The following CADPS variants were observed in gnomAD, a reference collection of about 807,000 sequenced individuals.
The protein encoded by CADPS is calcium dependent secretion activator.
CADPS carries 57 observed loss-of-function variants against 167.3 expected under a neutral mutation model. The ratio of observed to expected loss-of-function variants is 0.34; its 90% CI spans 0.28 to 0.42. The LOEUF (loss-of-function observed/expected upper bound fraction) is 0.42, where lower values mean the gene tolerates loss of function less well. Ranked by LOEUF, CADPS falls within the 20% of genes least tolerant of loss-of-function variation. CADPS has a pLI of 1.00. For missense variants in CADPS, 1,414 were observed against 1,738.1 expected (o/e 0.81, Z 3.32); for synonymous variants, 676 against 635.3 (o/e 1.06, Z -0.96).
At chr3:62,692,883 A>T (rs2079451293) in intron 3 of CADPS, among the ~76,000 whole-genome samples, 1 of 152,076 alleles carries the variant, frequency 6.6e-6, no homozygotes, top group African/African-American at 2.4e-5. Context: ...CCATACTTCA[A>T]AACCATCCAG....
intron 1 of CADPS, among the ~76,000 whole-genome samples, chr3:62,852,025 T>C (rs200396863): frequency 0.021 from 3,027 of 147,614 alleles, 40 homozygotes; most frequent in South Asian, 0.05. Context: ...TTCATTCATT[T>C]CATCTTCCAT....
At chr3:62,793,569 C>CT (rs1576483269) in intron 1 of CADPS, among the ~76,000 whole-genome samples, 2 of 152,200 alleles carry the variant, frequency 1.3e-5, no homozygotes, top group Non-Finnish European at 2.9e-5. Flanking sequence ...TAACTGGGTT[C>CT]TTTCCTCTGA....
chr3:62,688,670 T>C (rs1353259636), intron 3 of CADPS, among the ~76,000 whole-genome samples: 1 of 152,108 alleles, frequency 6.6e-6, no homozygotes, highest in African/African-American at 2.4e-5. Context: ...CCTGTCCTAG[T>C]CTGTCATCAT....
intron 2 of CADPS, among the ~76,000 whole-genome samples, chr3:62,759,392 T>C (rs929024524): frequency 6.6e-6 from 1 of 152,182 alleles, no homozygotes. Flanking sequence ...TGAAAAAAGA[T>C]ATATATTTTT....
intron 3 of CADPS, among the ~76,000 whole-genome samples, chr3:62,665,386 C>T (rs1250034719): frequency 6.6e-6 from 1 of 152,156 alleles, no homozygotes; most frequent in Non-Finnish European, 1.5e-5. Flanking sequence ...TCATTATCCC[C>T]ATTTGACGGA....
intron 2 of CADPS, among the ~76,000 whole-genome samples, chr3:62,758,495 G>A (rs2084559628): frequency 6.6e-6 from 1 of 152,202 alleles, no homozygotes; most frequent in South Asian, 2.1e-4. Context: ...AGGAAGTGGG[G>A]CCTGGGCCAG....
chr3:62,447,956 A>G (rs1357211362), intron 26 of CADPS, among the ~76,000 whole-genome samples: 3 of 152,082 alleles, frequency 2.0e-5, no homozygotes, highest in Non-Finnish European at 4.4e-5. Flanking sequence ...AAACACTTCC[A>G]CAAACAGTTT....
chr3:62,758,962 T>C (rs1021834937), intron 2 of CADPS, among the ~76,000 whole-genome samples: 2 of 152,178 alleles, frequency 1.3e-5, no homozygotes, highest in African/African-American at 4.8e-5. Context: ...GCAGATTCAT[T>C]CCTGTTCTGA....
intron 7 of CADPS, among the ~76,000 whole-genome samples, chr3:62,585,887 C>A (rs1183522678): frequency 1.3e-5 from 2 of 152,198 alleles, no homozygotes; most frequent in Non-Finnish European, 2.9e-5. Flanking sequence ...TCTTATCACA[C>A]AACATCCAAC....
rs1705176228 is a variant in CADPS at position 62,399,693 on chromosome 3, C to T, written c.3883-108G>A. 2.5e-6 allele frequency: 2 copies of T among 806,514 alleles called. No homozygotes were observed. The highest frequency in any genetic ancestry group is 1.7e-5 in the African/African-American group (1 of 58,686). The allele number at this position is 806,514 out of a possible 1,614,324, so 50.0% of individuals were successfully genotyped here. On this transcript the variant is annotated intron_variant, in intron 29 of 29. Coordinates refer to ENST00000383710, the MANE Select transcript of CADPS (RefSeq NM_003716.4). The surrounding 1 kb of genome is among the most constrained non-coding windows in gnomAD (Gnocchi z 5.6). ...AGAGCACTGACCTTCAGCTAAATAT[C>T]ACACTTTATGCATTGTCAAATAAAA... is the stretch of plus-strand genomic sequence containing the variant.
chr3:62,548,761 C>G (rs2076887544), intron 11 of CADPS, among the ~76,000 whole-genome samples: 1 of 152,220 alleles, frequency 6.6e-6, no homozygotes. Context: ...AGCTGCAATT[C>G]TCTTTCCTCA....
chr3:62,502,619 T>C lies in CADPS; in HGVS notation c.2600-3351A>G, dbSNP rs9842377. Among the ~76,000 whole-genome samples, 819 of 152,336 alleles carry C rather than the reference T, an allele frequency of 5.4e-3. 8 individuals carry two copies. Among genetic ancestry groups the C allele is most frequent in the African/African-American group, 0.019 (783 of 41,578 alleles). On this transcript the variant is annotated intron_variant, in intron 17 of 29. Transcript: ENST00000383710. ...GAGTATCTCAAAACCTATAAAATTA[T>C]ACTTGAGAGCCCGAGTCTCAGCTTA...
chr3:62,736,120 AC>A (rs2078951427), intron 3 of CADPS, among the ~76,000 whole-genome samples: 1 of 152,138 alleles, frequency 6.6e-6, no homozygotes, highest in South Asian at 2.1e-4. Flanking sequence ...TTCCAAGGAT[AC>A]CTGTGTTACC....
chr3:62,472,731 G>A (rs904225347), intron 24 of CADPS, among the ~76,000 whole-genome samples: 1 of 152,232 alleles, frequency 6.6e-6, no homozygotes, highest in Non-Finnish European at 1.5e-5. Context: ...TTTTACAGAT[G>A]AGGAAACTGA....
chr3:62,531,914 G>A (rs1458607066), intron 13 of CADPS, among the ~76,000 whole-genome samples: 1 of 152,192 alleles, frequency 6.6e-6, no homozygotes, highest in Non-Finnish European at 1.5e-5. Flanking sequence ...AGCTGGGCAA[G>A]GTCTAAAGAA....
chr3:62,600,088 A>G (rs1357763215), intron 6 of CADPS, among the ~76,000 whole-genome samples: 1 of 148,266 alleles, frequency 6.7e-6, no homozygotes, highest in Non-Finnish European at 1.5e-5. Context: ...GACACATGAA[A>G]TAACCAAAGG....
In CADPS at chr3:62,578,948, G is replaced by A. The variant is rs537990447; in HGVS notation, c.1577+6237C>T. 2.4e-4 allele frequency among the ~76,000 whole-genome samples: 36 copies of A among 152,306 alleles called. 1 individual carries two copies. The highest frequency in any genetic ancestry group is 2.3e-3 in the East Asian group (12 of 5,180). ...GCATGGTGTCTTGGAGACCTATGAGGAGGAGAGAAGTGTGATGATTTTGAA... is the reference window on the plus strand; with the variant it reads ...GCATGGTGTCTTGGAGACCTATGAGAAGGAGAGAAGTGTGATGATTTTGAA... On this transcript the variant is annotated intron_variant, in intron 8 of 29. Coordinates refer to ENST00000383710, the MANE Select transcript of CADPS (RefSeq NM_003716.4).
chr3:62,437,748 G>C (rs146367640), intron 28 of CADPS, among the ~76,000 whole-genome samples: 75 of 152,306 alleles, frequency 4.9e-4, no homozygotes, highest in Non-Finnish European at 8.5e-4. Context: ...TCCCTGATGA[G>C]AATATCTCCC....
intron 15 of CADPS, 80 bp from the exon 16 acceptor site, chr3:62,516,262 G>A: frequency 6.5e-7 from 1 of 1,532,694 alleles, no homozygotes. Flanking sequence ...AAGCGTGAAA[G>A]TTTAAAATCA....
Sources: allele counts gnomAD v4.1 joint callset (sites outside exome capture counted in the v4.1 genomes callset), GRCh38; gene constraint gnomAD v4.1.1; non-coding constraint Gnocchi (gnomAD v3.1); transcripts MANE v1.5; gene names NCBI Gene and HGNC (gene_info 2026-07-23, HGNC 2026-07-21).